SIL1: variants seen among roughly 807,000 people sequenced by gnomAD.
SIL1 encodes the protein nucleotide exchange factor SIL1.
SIL1 carries 40 observed loss-of-function variants against 49.1 expected under a neutral mutation model. That is an observed-to-expected ratio of 0.81 (90% CI 0.63 to 1.06). The LOEUF (loss-of-function observed/expected upper bound fraction) is 1.06. Ranked by LOEUF, SIL1 falls within the 50% of genes least tolerant of loss-of-function variation. The probability of loss-of-function intolerance (pLI) is 0.00; values close to 1 mark genes in which losing one functional copy is unlikely to be tolerated. For synonymous variants in SIL1, 253 were observed against 250.8 expected, an observed-to-expected ratio of 1.01 and a Z score of -0.08; for missense variants, 500 against 572.6, an observed-to-expected ratio of 0.87 and a Z score of 1.29.
At chr5:139,167,949 T>A (rs569259323) in intron 1 of SIL1, among the ~76,000 whole-genome samples, 13 of 152,368 alleles carry the variant, frequency 8.5e-5, no homozygotes, top group African/African-American at 2.6e-4. Flanking sequence ...CCCAAGTAGC[T>A]GGGACTCCAG....
rs1449591437 is a variant in SIL1, at chr5:139,034,747, A to G, written c.454-7755T>C. Among the ~76,000 whole-genome samples the G allele has an allele frequency of 1.4e-4, 21 of 152,240 alleles. 1 individual carries two copies. Among genetic ancestry groups the G allele is most frequent in the Admixed American group, 1.4e-3 (21 of 15,284 alleles). On this transcript the variant is annotated intron_variant, in intron 5 of 9. Transcript: ENST00000394817. Reference sequence around the variant, plus strand: ...CAAAAACATATGCATGTGTGTCTTTATAACAGAACAATTTCTATTCCTTTA... The same window carrying G: ...CAAAAACATATGCATGTGTGTCTTTGTAACAGAACAATTTCTATTCCTTTA...
chr5:139,009,099 G>A (rs1768191280), intron 7 of SIL1, among the ~76,000 whole-genome samples: 1 of 151,724 alleles, frequency 6.6e-6, no homozygotes, highest in African/African-American at 2.4e-5. Context: ...GGGAGTCTAA[G>A]TCTCTTTGTA....
In SIL1 at chr5:139,108,958, T is replaced by C. The variant is rs143141176; in HGVS notation, c.244+12077A>G. On this transcript the variant is annotated intron_variant, in intron 3 of 9. Coordinates refer to ENST00000394817, the MANE Select transcript of SIL1 (RefSeq NM_022464.5). ...AACGGCCACTTTAGAACCAAGACTT[T>C]CATTGATATGCATCAGCAGTGTCAG... Among the ~76,000 whole-genome samples the C allele has an allele frequency of 2.8e-4, 42 of 152,248 alleles. No homozygotes were observed. In the Middle Eastern group the frequency reaches 0.024, roughly 86 times the overall value.
chr5:138,998,617 A>T (rs1767923644), intron 7 of SIL1, among the ~76,000 whole-genome samples: 1 of 152,202 alleles, frequency 6.6e-6, no homozygotes, highest in Non-Finnish European at 1.5e-5. Flanking sequence ...CAAGTGTCTC[A>T]CATGGTGACA....
At chr5:139,165,727 G>A (rs956185088) in intron 1 of SIL1, among the ~76,000 whole-genome samples, 5 of 151,932 alleles carry the variant, frequency 3.3e-5, no homozygotes, top group Admixed American at 1.3e-4. Context: ...ACACGATCTC[G>A]GTTTACTGCA....
intron 3 of SIL1, among the ~76,000 whole-genome samples, chr5:139,118,896 GCCTCCCACCTAA>G (rs1750543333): frequency 6.6e-6 from 1 of 152,104 alleles, no homozygotes; most frequent in African/African-American, 2.4e-5. Flanking sequence ...GCCAGAACAA[GCCTCCCACCTAA>G]CCTCCCCTCA....
At chr5:139,118,466 C>T (rs1426958399) in intron 3 of SIL1, among the ~76,000 whole-genome samples, 1 of 152,190 alleles carries the variant, frequency 6.6e-6, no homozygotes, top group Non-Finnish European at 1.5e-5. Flanking sequence ...GCAGGCAGGG[C>T]AGGACACTTC....
At chr5:138,978,660 T>C (rs1211971444) in intron 7 of SIL1, among the ~76,000 whole-genome samples, 2 of 152,196 alleles carry the variant, frequency 1.3e-5, no homozygotes, top group African/African-American at 4.8e-5. Flanking sequence ...ACTAGCAGTA[T>C]ATGAGGGTCC....
chr5:139,121,932 C>G (rs1035556777), intron 2 of SIL1, among the ~76,000 whole-genome samples: 83 of 152,182 alleles, frequency 5.5e-4, no homozygotes, highest in African/African-American at 1.9e-3. Flanking sequence ...TCATTTTGCT[C>G]TTTCCTGGAC....
chr5:139,073,401 TAGA>T (rs2151766733), intron 3 of SIL1, among the ~76,000 whole-genome samples: 1 of 152,242 alleles, frequency 6.6e-6, no homozygotes, highest in South Asian at 2.1e-4. Flanking sequence ...TGGGTGAGCC[TAGA>T]AGAATTATGT....
chr5:139,151,526 C>G (rs903454124), intron 1 of SIL1, among the ~76,000 whole-genome samples: 1 of 152,216 alleles, frequency 6.6e-6, no homozygotes, highest in African/African-American at 2.4e-5. Flanking sequence ...GTATCCAGTA[C>G]TGTGGGGCCT....
At chr5:139,180,381 CAAAAAAAAAAAA>C (rs35534058) in intron 1 of SIL1, among the ~76,000 whole-genome samples, 1 of 57,052 alleles carries the variant, frequency 1.8e-5, no homozygotes, top group Admixed American at 2.2e-4. Flanking sequence ...AACTCCATCT[CAAAAAAAAAAAA>C]AAAAAAAAAA....
chr5:139,015,296 A>G (rs897255390), intron 7 of SIL1, among the ~76,000 whole-genome samples: 4 of 152,200 alleles, frequency 2.6e-5, no homozygotes, highest in African/African-American at 9.6e-5. Context: ...AACCAAATAT[A>G]TAACTGCAAA....
At chr5:139,084,383 C>T (rs60311503) in intron 3 of SIL1, among the ~76,000 whole-genome samples, 40,154 of 107,108 alleles carry the variant, frequency 0.37, 7,710 homozygotes, top group African/African-American at 0.5. Context: ...TGGAACCAAC[C>T]CAAATGTCCA....
intron 7 of SIL1, among the ~76,000 whole-genome samples, chr5:138,976,584 G>A (rs1383211667): frequency 6.6e-6 from 1 of 152,062 alleles, no homozygotes; most frequent in African/African-American, 2.4e-5. Context: ...AAAGTGCTAG[G>A]ATTAACAGAC....
chr5:139,062,119 T>C (rs1416656261), intron 3 of SIL1, among the ~76,000 whole-genome samples: 1 of 152,136 alleles, frequency 6.6e-6, no homozygotes, highest in Non-Finnish European at 1.5e-5. Flanking sequence ...AATGAGCATC[T>C]ATCCTGTCTC....
At chr5:139,107,493 A>ATTAT (rs776095697) in intron 3 of SIL1, among the ~76,000 whole-genome samples, 194 of 152,358 alleles carry the variant, frequency 1.3e-3, no homozygotes, top group Non-Finnish European at 2.3e-3. Context: ...ATCAAAACTA[A>ATTAT]GAAATTATAC....
chr5:138,997,099 G>A (rs182865446), intron 7 of SIL1, among the ~76,000 whole-genome samples: 1 of 152,004 alleles, frequency 6.6e-6, no homozygotes, highest in East Asian at 1.9e-4. Flanking sequence ...TGCCCAGCTA[G>A]TTTTATTTTT....
At position 139,030,874 on chromosome 5, in the gene SIL1, T is replaced by C. The variant is rs533044449; in HGVS notation, c.454-3882A>G. ...ACTATTGCTTTTTCATTTCTATATA[T>C]ACTTATAACCAATAGCAATGTAGTT... On this transcript the variant is annotated intron_variant, in intron 5 of 9. Coordinates refer to ENST00000394817, the MANE Select transcript of SIL1 (RefSeq NM_022464.5). Among the ~76,000 whole-genome samples the C allele has an allele frequency of 8.5e-5, 13 of 152,318 alleles. No homozygotes were observed. The South Asian group carries it at 2.7e-3, about 32-fold the overall frequency.
Sources: allele counts gnomAD v4.1 joint callset (sites outside exome capture counted in the v4.1 genomes callset), GRCh38; gene constraint gnomAD v4.1.1; transcripts MANE v1.5; gene names NCBI Gene and HGNC (gene_info 2026-07-23, HGNC 2026-07-21).